SLC25A12: variants seen among roughly 807,000 people sequenced by gnomAD.
SLC25A12 encodes electrogenic aspartate/glutamate antiporter SLC25A12, mitochondrial.
A neutral mutation model predicts 83.3 loss-of-function variants in SLC25A12; 32 were observed. The ratio of observed to expected loss-of-function variants is 0.38; its 90% CI spans 0.29 to 0.52. The LOEUF (loss-of-function observed/expected upper bound fraction) is 0.52. SLC25A12 is among the 20% of genes least tolerant of loss of function. The pLI is 0.84. For missense variants in SLC25A12, 611 were observed against 835.6 expected (o/e 0.73, Z 3.31); for synonymous variants, 267 against 291.1 (o/e 0.92, Z 0.84).
At chr2:171,815,969 T>C (rs1297046748) in intron 9 of SLC25A12, among the ~76,000 whole-genome samples, 2 of 151,904 alleles carry the variant, frequency 1.3e-5, no homozygotes, top group Non-Finnish European at 2.9e-5. Flanking sequence ...ATAAGATGTA[T>C]TTTAAAGTAT....
At chr2:171,881,207 G>C (rs187498554) in intron 2 of SLC25A12, among the ~76,000 whole-genome samples, 73 of 152,134 alleles carry the variant, frequency 4.8e-4, no homozygotes, top group Non-Finnish European at 8.7e-4. Context: ...GGCTGGAGTG[G>C]AGTGGTGTGA....
Position 171,787,551 on chromosome 2 carries a change from G to C in SLC25A12, c.1835+20C>G, listed in dbSNP as rs781349502. ...TGGACTTAGTGATTTCTTTGTAAAG[G>C]AGTTGAGCAGCTGACTTACAGGCCT... On this transcript the variant is annotated intron_variant, in intron 17 of 17. Coordinates refer to ENST00000422440, the MANE Select transcript of SLC25A12 (RefSeq NM_003705.5). 9.6e-6 allele frequency: 15 copies of C among 1,565,590 alleles called. No individual in the cohort carries two copies. In the South Asian group the frequency reaches 1.7e-4, roughly 17 times the overall value.
intron 2 of SLC25A12, among the ~76,000 whole-genome samples, chr2:171,870,229 T>C (rs1025612378): frequency 7.2e-5 from 11 of 152,238 alleles, no homozygotes; most frequent in Non-Finnish European, 1.5e-4. Flanking sequence ...GAAATTACTT[T>C]AATTGTACAA....
intron 3 of SLC25A12, among the ~76,000 whole-genome samples, chr2:171,861,260 T>C (rs1182619305): frequency 1.3e-5 from 2 of 152,016 alleles, no homozygotes; most frequent in East Asian, 1.9e-4. Flanking sequence ...GAGAGAAAAA[T>C]AGGCCACTTG....
chr2:171,844,626 ATTAAAAT>A, intron 4 of SLC25A12, 118 bp from the exon 5 acceptor site: 1 of 715,862 alleles, frequency 1.4e-6, no homozygotes. Context: ...ATCTGCTTCT[ATTAAAAT>A]AACTGCAATT....
chr2:171,795,422 T>A (rs1020761789), intron 13 of SLC25A12, among the ~76,000 whole-genome samples: 1 of 152,208 alleles, frequency 6.6e-6, no homozygotes, highest in Non-Finnish European at 1.5e-5. Context: ...AAAAATTATG[T>A]TAAAATGATA....
intron 5 of SLC25A12, among the ~76,000 whole-genome samples, chr2:171,839,283 C>A (rs1286449184): frequency 6.6e-6 from 1 of 152,140 alleles, no homozygotes; most frequent in Admixed American, 6.5e-5. Context: ...ACTGGCACCT[C>A]CAAATACCCA....
At chr2:171,802,292 C>T (rs147185564) in intron 13 of SLC25A12, among the ~76,000 whole-genome samples, 2,841 of 152,216 alleles carry the variant, frequency 0.019, 58 homozygotes, top group Admixed American at 0.068. Flanking sequence ...AGTCATGAGC[C>T]ACCACACCTA....
chr2:171,872,154 C>T (rs1449173978), intron 2 of SLC25A12, among the ~76,000 whole-genome samples: 3 of 151,930 alleles, frequency 2.0e-5, no homozygotes, highest in Non-Finnish European at 4.4e-5. Context: ...CTTTGTGAGT[C>T]CCTAGACAAG....
chr2:171,847,817 T>C (rs201533376), intron 4 of SLC25A12, among the ~76,000 whole-genome samples: 2 of 152,180 alleles, frequency 1.3e-5, no homozygotes, highest in African/African-American at 2.4e-5. Flanking sequence ...TATACTTCCA[T>C]TGAAAAGGGA....
intron 2 of SLC25A12, among the ~76,000 whole-genome samples, chr2:171,888,919 T>C (rs1034220085): frequency 3.9e-5 from 6 of 152,226 alleles, no homozygotes; most frequent in Non-Finnish European, 5.9e-5. Context: ...TATCTCTTTA[T>C]AGTCTTTAAG....
chr2:171,892,426 C>A (rs181536993), intron 2 of SLC25A12, among the ~76,000 whole-genome samples: 13 of 152,148 alleles, frequency 8.5e-5, no homozygotes, highest in Middle Eastern at 3.4e-3. Flanking sequence ...GGGGTTTCAC[C>A]GTGTTAGCCA....
chr2:171,893,367 T>C, intron 1 of SLC25A12, 109 bp from the exon 2 acceptor site: 3 of 989,712 alleles, frequency 3.0e-6, no homozygotes, highest in East Asian at 2.4e-5. Flanking sequence ...TCTTTTATCA[T>C]TTAGTTTAAA....
At position 171,894,205 on chromosome 2, in the gene SLC25A12, T is replaced by G. The variant is rs559685624; in HGVS notation, c.10A>C (p.Lys4Gln). 6.2e-7 allele frequency: 1 copy of G among 1,608,920 alleles called. No individual in the cohort carries two copies. Among genetic ancestry groups the G allele is most frequent in the East Asian group, 2.2e-5 (1 of 44,616 alleles). MAV[K>Q]VQTTKRGDPH... is the part of the protein sequence containing the mutation. Reference sequence around the variant, plus strand: ...CAGCAGCAGAGAGTTGGAGTCACCTTGACCGCCATGCTGTGCTCGGAAGCC... The same window carrying G: ...CAGCAGCAGAGAGTTGGAGTCACCTGGACCGCCATGCTGTGCTCGGAAGCC... The change falls in exon 1 of 18, where the codon AAG becomes CAG. Residue 4 changes from lysine (K) to glutamine (Q), a missense_variant and splice_region_variant. Coordinates refer to ENST00000422440, the MANE Select transcript of SLC25A12 (RefSeq NM_003705.5).
At chr2:171,837,316 A>C in intron 5 of SLC25A12, 49 bp from the exon 6 acceptor site, 2 of 1,602,126 alleles carry the variant, frequency 1.2e-6, no homozygotes, top group Non-Finnish European at 1.7e-6. Flanking sequence ...ACACATTCCA[A>C]GTACATGGTT....
chr2:171,849,654 C>A (rs925174053), intron 4 of SLC25A12, among the ~76,000 whole-genome samples: 2 of 151,506 alleles, frequency 1.3e-5, no homozygotes, highest in South Asian at 2.1e-4. Flanking sequence ...CTCAGCCTCC[C>A]GGGTTCACGC....
At chr2:171,828,675 T>C (rs183392643) in intron 8 of SLC25A12, among the ~76,000 whole-genome samples, 51 of 152,222 alleles carry the variant, frequency 3.4e-4, no homozygotes, top group Non-Finnish European at 6.5e-4. Context: ...AATCTACCTT[T>C]CCCCCCTTGA....
chr2:171,833,157 T>C (rs1684479104), intron 8 of SLC25A12, among the ~76,000 whole-genome samples: 1 of 152,192 alleles, frequency 6.6e-6, no homozygotes, highest in African/African-American at 2.4e-5. Context: ...CAGATGATGA[T>C]GCCTGCCCTG....
intron 15 of SLC25A12, among the ~76,000 whole-genome samples, chr2:171,789,742 A>C (rs1683386638): frequency 6.6e-6 from 1 of 152,110 alleles, no homozygotes; most frequent in Non-Finnish European, 1.5e-5. Flanking sequence ...AAAAATACAA[A>C]AATTGGCCAG....
Sources: gnomAD v4.1 joint callset for allele counts (sites outside exome capture counted in the v4.1 genomes callset) on GRCh38, gnomAD v4.1.1 for gene constraint, MANE v1.5 for transcripts, NCBI Gene and HGNC (gene_info 2026-07-23, HGNC 2026-07-21) for gene names.